The following RASL12 variants were observed in gnomAD, a reference collection of about 807,000 sequenced individuals.
The protein encoded by RASL12 is ras-like protein family member 12.
RASL12 carries 16 observed loss-of-function variants against 22.9 expected under a neutral mutation model. That is an observed-to-expected ratio of 0.70 (90% CI 0.47 to 1.06). The LOEUF (loss-of-function observed/expected upper bound fraction) is 1.06, where lower values mean the gene tolerates loss of function less well. Among genes scored for constraint, RASL12 ranks in the 50% least tolerant of loss-of-function variants. RASL12 has a pLI of 0.00. For missense variants in RASL12, 306 were observed against 353.1 expected, an observed-to-expected ratio of 0.87 and a Z score of 1.07; for synonymous variants, 159 against 152.2, an observed-to-expected ratio of 1.04 and a Z score of -0.33.
chr15:65,049,053 T>C (rs2086612859), downstream of RASL12: 1 of 150,866 alleles, frequency 6.6e-6, no homozygotes, highest in Admixed American at 6.6e-5. Flanking sequence ...AATTTTAATA[T>C]TGGCCTGAAT....
At position 65,058,570 on chromosome 15, in the gene RASL12, G is replaced by A. The variant is rs1302030985; in HGVS notation, c.282C>T (p.Phe94=). The change falls in exon 4 of 5, where the codon TTC becomes TTT. Residue 94 remains phenylalanine (F), a synonymous_variant. Transcript: ENST00000220062. The stretch of plus-strand genomic sequence containing the variant: ...GGCTGTCGACGCTGTACACCACCAG[G>A]AAGGCATGGGCCCAGTTCAGGTAGC... ...CERYLNWAHA[F]LVVYSVDSRQ... is the part of the protein sequence containing the mutation. 6.2e-7 allele frequency: 1 copy of A among 1,604,522 alleles called. No homozygotes were observed. The highest frequency in any genetic ancestry group is 1.7e-5 in the Admixed American group (1 of 59,468).
downstream of RASL12, chr15:65,049,076 C>T (rs1442645407): frequency 6.7e-6 from 1 of 149,982 alleles, no homozygotes; most frequent in African/African-American, 2.5e-5. Context: ...TATATGTTGT[C>T]AAAATTAATT....
intron 1 of RASL12, among the ~76,000 whole-genome samples, chr15:65,066,157 A>G (rs912067034): frequency 6.6e-6 from 1 of 151,152 alleles, no homozygotes; most frequent in African/African-American, 2.4e-5. Context: ...AGAAGAAGAG[A>G]GGGATGAAGG....
At position 65,054,029 on chromosome 15, in the gene RASL12, A is replaced by AG. The variant is rs541260632; in HGVS notation, c.*869dup. The AG allele has an allele frequency of 2.6e-4, 253 of 985,856 alleles. 2 individuals are homozygous for AG. In the African/African-American group the frequency reaches 4.2e-3, roughly 16 times the overall value. 61.1% of individuals were successfully genotyped at this position (985,856 alleles called of 1,614,324 possible). A position where few individuals can be genotyped will look rare whatever the true frequency, so the allele number is the denominator to read the frequency against. ...ACGGGTATACTGTGTTTCTACCTGCAGGGGGGCAGGCCCTGTAGCCCCTGG... is the reference window on the plus strand; with the variant it reads ...ACGGGTATACTGTGTTTCTACCTGCAGGGGGGGCAGGCCCTGTAGCCCCTGG... On this transcript the variant is annotated 3_prime_UTR_variant, in exon 5 of 5. Coordinates refer to ENST00000220062, the MANE Select transcript of RASL12 (RefSeq NM_016563.4).
At chr15:65,055,781 T>C (rs983630913) in intron 4 of RASL12, among the ~76,000 whole-genome samples, 8 of 152,192 alleles carry the variant, frequency 5.3e-5, no homozygotes, top group East Asian at 3.8e-4. Flanking sequence ...AAGCCTGTGG[T>C]TGGCAGAGTT....
intron 1 of RASL12, among the ~76,000 whole-genome samples, chr15:65,066,372 A>G (rs1355344644): frequency 1.3e-5 from 2 of 152,152 alleles, no homozygotes; most frequent in Non-Finnish European, 2.9e-5. Flanking sequence ...TGAAAAATTA[A>G]CCAGGCATGG....
intron 1 of RASL12, among the ~76,000 whole-genome samples, chr15:65,076,163 C>T (rs1376875780): frequency 1.3e-5 from 2 of 152,208 alleles, no homozygotes; most frequent in African/African-American, 4.8e-5. Flanking sequence ...CGCAGGCTAC[C>T]CGAGCCAGCA....
chr15:65,049,986 C>T (rs756147691), downstream of RASL12: 31 of 1,543,506 alleles, frequency 2.0e-5, no homozygotes, highest in South Asian at 3.6e-4. Flanking sequence ...TCGTTGCACA[C>T]GCTACCAGGA....
the RASL12 span, among the ~76,000 whole-genome samples, chr15:65,046,436 C>A: frequency 2.5e-4 from 38 of 152,256 alleles, no homozygotes; most frequent in South Asian, 7.1e-3. Context: ...TGCCATTGCA[C>A]TCCAGCCTGG....
chr15:65,047,620 A>G, the RASL12 span, among the ~76,000 whole-genome samples: 1 of 152,156 alleles, frequency 6.6e-6, no homozygotes, highest in South Asian at 2.1e-4. Context: ...CAATCCAGGC[A>G]CTCTTACATC....
In RASL12 at chr15:65,067,809, G is replaced by C; in HGVS notation, c.27C>G (p.Arg9=). 1.3e-6 allele frequency: 2 copies of C among 1,575,878 alleles called. No homozygotes were observed. The highest frequency in any genetic ancestry group is 2.3e-5 in the South Asian group (2 of 87,058). MSSVFGKP[R]AGSGPQSAPL... ...GCGCGCTCTGAGGCCCGCTGCCCGC[G>C]CGGGGTTTTCCAAACACCGAGGACA... Residue 9 remains arginine, a synonymous_variant, in exon 1 of 5, where the codon CGC becomes CGG. Coordinates refer to ENST00000220062, the MANE Select transcript of RASL12 (RefSeq NM_016563.4).
In RASL12 at chr15:65,058,534, A is replaced by G. The variant is rs369283176; in HGVS notation, c.318T>C (p.Phe106=). 5.6e-6 allele frequency: 9 copies of G among 1,611,700 alleles called. No homozygotes were observed. Among genetic ancestry groups the G allele is most frequent in the Non-Finnish European group, 6.8e-6 (8 of 1,178,490 alleles). ...GCTCCAGGTAGCTGCTGCTGCTATC[A>G]AAGCTCTGGCGGCTGTCGACGCTGT... ...VVYSVDSRQS[F]DSSSSYLELL... Residue 106 remains phenylalanine, a synonymous_variant, in exon 4 of 5, where the codon TTT becomes TTC. Coordinates refer to ENST00000220062, the MANE Select transcript of RASL12 (RefSeq NM_016563.4).
chr15:65,072,805 C>G (rs1378442430), upstream of RASL12, among the ~76,000 whole-genome samples: 2 of 152,156 alleles, frequency 1.3e-5, no homozygotes, highest in African/African-American at 4.8e-5. Context: ...CCTGAGGTGC[C>G]TTTCAGCTAT....
At chr15:65,067,191 G>A (rs1482953638) in intron 1 of RASL12, among the ~76,000 whole-genome samples, 3 of 152,104 alleles carry the variant, frequency 2.0e-5, no homozygotes, top group Admixed American at 2.0e-4. Flanking sequence ...CTTCTACGGG[G>A]AGGGGGTGTG....
chr15:65,073,116 A>G (rs1004363607), intron 1 of RASL12, among the ~76,000 whole-genome samples: 1 of 152,154 alleles, frequency 6.6e-6, no homozygotes, highest in Non-Finnish European at 1.5e-5. Context: ...GACAACAAAA[A>G]ACACAGTGGT....
At chr15:65,047,468 G>A in the RASL12 span, among the ~76,000 whole-genome samples, 3 of 152,184 alleles carry the variant, frequency 2.0e-5, no homozygotes, top group Admixed American at 1.3e-4. Context: ...ATACAGGAGT[G>A]GTCAACATGA....
chr15:65,063,069 A>C (rs985312653), intron 2 of RASL12, among the ~76,000 whole-genome samples: 5 of 152,070 alleles, frequency 3.3e-5, no homozygotes, highest in Non-Finnish European at 7.4e-5. Flanking sequence ...AAAATTATTC[A>C]ATCAGGAGGC....
chr15:65,073,732 G>A (rs1045133935), intron 1 of RASL12, among the ~76,000 whole-genome samples: 3 of 152,116 alleles, frequency 2.0e-5, no homozygotes, highest in African/African-American at 7.2e-5. Flanking sequence ...CTTCATATAT[G>A]AAATAAGGCC....
intron 1 of RASL12, among the ~76,000 whole-genome samples, chr15:65,066,963 T>C (rs2086885451): frequency 6.6e-6 from 1 of 152,164 alleles, no homozygotes; most frequent in South Asian, 2.1e-4. Context: ...ACACAAATTA[T>C]CTCAATGGAA....
Sources: allele counts gnomAD v4.1 joint callset (sites outside exome capture counted in the v4.1 genomes callset), GRCh38; gene constraint gnomAD v4.1.1; transcripts MANE v1.5; gene names NCBI Gene and HGNC (gene_info 2026-07-23, HGNC 2026-07-21).